NDC80: variants seen among roughly 807,000 people sequenced by gnomAD.
The protein encoded by NDC80 is kinetochore protein NDC80 homolog.
In NDC80, 69 loss-of-function variants were observed where a neutral mutation model predicts 89.3. That is an observed-to-expected ratio of 0.77 (90% confidence interval 0.64 to 0.94). The LOEUF (loss-of-function observed/expected upper bound fraction) is 0.94, where lower values mean the gene tolerates loss of function less well. Ranked by LOEUF, NDC80 falls within the 40% of genes least tolerant of loss-of-function variation. The pLI is 0.00. For synonymous variants in NDC80, 243 were observed against 255.6 expected (o/e 0.95, Z 0.47); for missense variants, 593 against 739.6 (o/e 0.80, Z 2.30).
At position 2,575,148 on chromosome 18, in the gene NDC80, G is replaced by T. The variant is rs1366421807; in HGVS notation, c.179+82G>T. 3 of 944,566 alleles carry T rather than the reference G, an allele frequency of 3.2e-6. No homozygotes were observed. In the Admixed American group the frequency reaches 7.5e-5, roughly 24 times the overall value. 58.5% of individuals were successfully genotyped at this position (944,566 alleles called of 1,614,324 possible). ...CCCTCAGAGAACAAATACATTAGAT[G>T]ACATGGTTCCTTTCGAGAGAAAAGT... is the stretch of plus-strand genomic sequence containing the variant. On this transcript the variant is annotated intron_variant, in intron 3 of 16. Transcript: ENST00000261597.
At chr18:2,589,039 A>G (rs1350184832) in intron 8 of NDC80, among the ~76,000 whole-genome samples, 165 bp from the exon 9 acceptor site, 1 of 152,068 alleles carries the variant, frequency 6.6e-6, no homozygotes, top group Non-Finnish European at 1.5e-5. Flanking sequence ...AGTACGGTGG[A>G]GTAATGGAAA....
chr18:2,596,231 A>T (rs1440927133), intron 11 of NDC80, among the ~76,000 whole-genome samples: 1 of 152,202 alleles, frequency 6.6e-6, no homozygotes, highest in African/African-American at 2.4e-5. Context: ...AAGGGTTAGC[A>T]TGGCACAGCC....
At chr18:2,591,227 T>C (rs1270365402) in intron 10 of NDC80, among the ~76,000 whole-genome samples, 1 of 152,238 alleles carries the variant, frequency 6.6e-6, no homozygotes, top group East Asian at 1.9e-4. Context: ...TCTTGTAAGC[T>C]TACTTTCATA....
At chr18:2,574,334 T>C (rs2072534743) in intron 2 of NDC80, among the ~76,000 whole-genome samples, 3 of 152,250 alleles carry the variant, frequency 2.0e-5, no homozygotes, top group South Asian at 2.1e-4. Context: ...AACAATAATA[T>C]ATTGTATAGT....
intron 11 of NDC80, among the ~76,000 whole-genome samples, chr18:2,596,665 C>G (rs1175065120): frequency 1.3e-5 from 2 of 151,686 alleles, no homozygotes. Flanking sequence ...ACCCAGCCAT[C>G]CCATTACTGG....
At chr18:2,614,950 AC>A (rs529656299) in intron 16 of NDC80, 14 of 152,198 alleles carry the variant, frequency 9.2e-5, no homozygotes, top group Non-Finnish European at 1.5e-5. Context: ...TCGTGTGCGG[AC>A]AGAGGCGGAT....
chr18:2,576,713 A>G (rs1430900184), intron 3 of NDC80, among the ~76,000 whole-genome samples: 3 of 152,234 alleles, frequency 2.0e-5, no homozygotes, highest in Non-Finnish European at 2.9e-5. Flanking sequence ...TTTGATTGGC[A>G]TAAGTGACAC....
At position 2,610,748 on chromosome 18, in the gene NDC80, T is replaced by C; in HGVS notation, c.1689-11T>C. 1 of 1,546,334 alleles carries C rather than the reference T, an allele frequency of 6.5e-7. No homozygotes were observed. The highest frequency in any genetic ancestry group is 8.8e-7 in the Non-Finnish European group (1 of 1,135,096). ...TCCTGGACAACTTAAACAAGAGTTT[T>C]TGTTCTACAGATACCAACTAGTTGT... On this transcript the variant is annotated splice_polypyrimidine_tract_variant and intron_variant, in intron 15 of 16. Transcript: ENST00000261597.
intron 3 of NDC80, among the ~76,000 whole-genome samples, chr18:2,575,355 G>A (rs113819383): frequency 5.9e-5 from 9 of 152,182 alleles, no homozygotes; most frequent in African/African-American, 2.2e-4. Flanking sequence ...GAGTGGCCAG[G>A]CATGGTGGCC....
chr18:2,590,087 A>T lies in NDC80; in HGVS notation c.940A>T (p.Met314Leu), dbSNP rs144356414. 3 of 1,613,030 alleles carry T rather than the reference A, an allele frequency of 1.9e-6. No individual in the cohort carries two copies. Among genetic ancestry groups the T allele is most frequent in the Admixed American group, 1.7e-5 (1 of 59,850 alleles). The change falls in exon 10 of 17, where the codon ATG becomes TTG. Residue 314 changes from methionine (M) to leucine (L), a missense_variant. Coordinates refer to ENST00000261597, the MANE Select transcript of NDC80 (RefSeq NM_006101.3). The stretch of plus-strand genomic sequence containing the variant: ...AGATGTTCAAAAGTATCAGGCATAC[A>T]TGAGCAATTTGGAGTCTCATTCAGC... ...QGDVQKYQAY[M>L]SNLESHSAIL...
chr18:2,580,672 G>T (rs1457148075), intron 6 of NDC80, among the ~76,000 whole-genome samples: 1 of 138,676 alleles, frequency 7.2e-6, no homozygotes, highest in Non-Finnish European at 1.5e-5. Context: ...CATTCAATTT[G>T]TCTCTCCCCG....
chr18:2,588,451 A>G (rs1008977132), intron 8 of NDC80, among the ~76,000 whole-genome samples: 3 of 152,098 alleles, frequency 2.0e-5, no homozygotes, highest in Non-Finnish European at 4.4e-5. Flanking sequence ...AGTGACATAC[A>G]GTATTTACTA....
At chr18:2,583,150 A>G (rs1195442666) in intron 6 of NDC80, among the ~76,000 whole-genome samples, 1 of 152,200 alleles carries the variant, frequency 6.6e-6, no homozygotes, top group East Asian at 1.9e-4. Context: ...TATACTTTTT[A>G]TATCTATAAT....
intron 6 of NDC80, 37 bp from the exon 7 acceptor site, chr18:2,585,076 C>T (rs2072597029): frequency 6.6e-7 from 1 of 1,519,812 alleles, no homozygotes; most frequent in Non-Finnish European, 9.1e-7. Context: ...TTGTGTTTTT[C>T]AGATCAACTT....
rs1057289668 is a variant in NDC80, at chr18:2,608,983, A to G, written c.1688+153A>G. Among the ~76,000 whole-genome samples the G allele has an allele frequency of 4.6e-5, 7 of 152,332 alleles. No homozygotes were observed. The South Asian group carries it at 6.2e-4, about 14-fold the overall frequency. On this transcript the variant is annotated intron_variant, in intron 15 of 16. Coordinates refer to ENST00000261597, the MANE Select transcript of NDC80 (RefSeq NM_006101.3). ...ATATAGAACTTAAGTACAACTGCTT[A>G]TAACTCGAGAACTTTCCCTATCAAC...
chr18:2,613,285 C>A (rs907131061), intron 16 of NDC80, among the ~76,000 whole-genome samples: 2 of 152,212 alleles, frequency 1.3e-5, no homozygotes. Flanking sequence ...GACTGCCAAG[C>A]CTAAAGTAGT....
At chr18:2,574,765 A>G (rs1004063354) in intron 2 of NDC80, among the ~76,000 whole-genome samples, 1 of 152,218 alleles carries the variant, frequency 6.6e-6, no homozygotes, top group Non-Finnish European at 1.5e-5. Flanking sequence ...CATACACCAG[A>G]GGGACCTCTG....
intron 2 of NDC80, among the ~76,000 whole-genome samples, chr18:2,573,890 C>T (rs1200164619): frequency 6.6e-6 from 1 of 151,304 alleles, no homozygotes; most frequent in African/African-American, 2.4e-5. Context: ...TTTTTGCCTG[C>T]AGTTTAGATA....
rs2072619301 is a variant in NDC80, at chr18:2,589,897, A to G, written c.871-121A>G. On this transcript the variant is annotated intron_variant, in intron 9 of 16. Coordinates refer to ENST00000261597, the MANE Select transcript of NDC80 (RefSeq NM_006101.3). Reference sequence around the variant, plus strand: ...TTAGTTCTTTTGACTTCCTCTAAAAATGAAAGGAAAACTCAAATCTACCTT... The same window carrying G: ...TTAGTTCTTTTGACTTCCTCTAAAAGTGAAAGGAAAACTCAAATCTACCTT... 5.8e-6 allele frequency: 4 copies of G among 687,726 alleles called. No homozygotes were observed. The South Asian group carries it at 2.3e-4, about 40-fold the overall frequency. The allele number at this position is 687,726 out of a possible 1,614,324, so 42.6% of individuals were successfully genotyped here.
Sources: allele counts gnomAD v4.1 joint callset (sites outside exome capture counted in the v4.1 genomes callset), GRCh38; gene constraint gnomAD v4.1.1; transcripts MANE v1.5; gene names NCBI Gene and HGNC (gene_info 2026-07-23, HGNC 2026-07-21).